Variants in ANK2 observed in about 807,000 individuals in gnomAD.
The protein encoded by ANK2 is ankyrin 2.
ANK2 carries 83 observed loss-of-function variants against 360.5 expected under a neutral mutation model. That is an observed-to-expected ratio of 0.23 (90% CI 0.19 to 0.28). The LOEUF (loss-of-function observed/expected upper bound fraction) is 0.28, where lower values mean the gene tolerates loss of function less well. Among genes scored for constraint, ANK2 ranks in the 10% least tolerant of loss-of-function variants. The probability of loss-of-function intolerance (pLI) is 1.00; values close to 1 mark genes in which losing one functional copy is unlikely to be tolerated. For synonymous variants in ANK2, 1,740 were observed against 1,759.5 expected, an observed-to-expected ratio of 0.99 and a Z score of 0.28; for missense variants, 4,201 against 4,795.7, an observed-to-expected ratio of 0.88 and a Z score of 3.66.
Position 113,264,928 on chromosome 4 carries a change from G to A in ANK2, c.1418G>A (p.Arg473Gln), listed in dbSNP as rs1225313063. Reference sequence around the variant, plus strand: ...GAGACGGCACTACACATGGCAGCCCGAGCCGGGCAGGTGGAAGTGGTCCGA... The same window carrying A: ...GAGACGGCACTACACATGGCAGCCCAAGCCGGGCAGGTGGAAGTGGTCCGA... ...RGETALHMAA[R>Q]AGQVEVVRCL... The change falls in exon 14 of 46, where the codon CGA (arginine) becomes CAA (glutamine). Residue 473 changes from arginine (R) to glutamine (Q), a missense_variant. Physicochemically the swap from Arg to Gln is conservative, Grantham distance 43 (BLOSUM62 1). Around this residue, in one of 4 missense-constraint regions of ANK2, gnomAD observed 1,268 missense variants for 1,650.8 expected, o/e 0.77. Transcript: ENST00000357077. The A allele has an allele frequency of 2.6e-6, 4 of 1,567,794 alleles. No homozygotes were observed. In the Admixed American group the frequency reaches 5.6e-5, roughly 22 times the overall value.
At chr4:113,134,467 A>G (rs908088596) in intron 1 of ANK2, among the ~76,000 whole-genome samples, 1 of 151,868 alleles carries the variant, frequency 6.6e-6, no homozygotes, top group Non-Finnish European at 1.5e-5. Context: ...AAGGATCTGG[A>G]AGACATCTTT....
chr4:113,156,005 A>G (rs1186190625), intron 1 of ANK2, among the ~76,000 whole-genome samples: 1 of 152,220 alleles, frequency 6.6e-6, no homozygotes, highest in African/African-American at 2.4e-5. Flanking sequence ...AGCAACTTTC[A>G]ATGCCTACAG....
At chr4:113,066,467 A>G (rs575537257) in intron 1 of ANK2, among the ~76,000 whole-genome samples, 2 of 152,332 alleles carry the variant, frequency 1.3e-5, no homozygotes, top group East Asian at 3.9e-4. Flanking sequence ...TGGTCTCAAG[A>G]AGTTCACGGT....
intron 1 of ANK2, among the ~76,000 whole-genome samples, chr4:112,819,126 A>G (rs1560646005): frequency 6.6e-6 from 1 of 152,168 alleles, no homozygotes; most frequent in African/African-American, 2.4e-5. Flanking sequence ...AATAAATTCA[A>G]TAACATCTTT....
At chr4:112,977,804 T>G (rs1035976886) in intron 2 of ANK2, among the ~76,000 whole-genome samples, 1 of 152,136 alleles carries the variant, frequency 6.6e-6, no homozygotes, top group South Asian at 2.1e-4. Flanking sequence ...ATTGTTCAAC[T>G]CCCACTTATG....
intron 1 of ANK2, among the ~76,000 whole-genome samples, chr4:112,883,002 G>C (rs1027143938): frequency 9.5e-6 from 1 of 105,038 alleles, no homozygotes; most frequent in African/African-American, 3.5e-5. Flanking sequence ...GACACTTTCT[G>C]GTTTACTTGG....
At chr4:112,978,485 C>T (rs1232440458) in intron 2 of ANK2, among the ~76,000 whole-genome samples, 2 of 152,260 alleles carry the variant, frequency 1.3e-5, no homozygotes, top group East Asian at 3.9e-4. Context: ...CCCAGTTTCC[C>T]GCTTTTCTTA....
At chr4:112,992,696 G>T (rs1350484584) in intron 2 of ANK2, among the ~76,000 whole-genome samples, 1 of 152,084 alleles carries the variant, frequency 6.6e-6, no homozygotes, top group Non-Finnish European at 1.5e-5. Context: ...TCTTGTAAGG[G>T]CACGAATCTC....
At chr4:113,112,021 GA>G (rs2094351190) in intron 1 of ANK2, among the ~76,000 whole-genome samples, 1 of 152,072 alleles carries the variant, frequency 6.6e-6, no homozygotes, top group Non-Finnish European at 1.5e-5. Context: ...AACTGTGTTT[GA>G]TAAGAAGATA....
At chr4:112,909,746 A>G (rs1259639361) in intron 2 of ANK2, among the ~76,000 whole-genome samples, 1 of 152,194 alleles carries the variant, frequency 6.6e-6, no homozygotes, top group Non-Finnish European at 1.5e-5. Context: ...CCAATTCCTT[A>G]TTTTGTGGTC....
intron 2 of ANK2, among the ~76,000 whole-genome samples, chr4:112,988,363 T>C (rs11930182): frequency 0.24 from 36,163 of 152,070 alleles, 4,317 homozygotes; most frequent in East Asian, 0.39. Flanking sequence ...TGAAGTATCT[T>C]GAATGAGTTG....
At chr4:112,996,671 C>T (rs550202091) in intron 2 of ANK2, among the ~76,000 whole-genome samples, 5 of 152,014 alleles carry the variant, frequency 3.3e-5, no homozygotes, top group Admixed American at 1.3e-4. Flanking sequence ...AGGCATGCAA[C>T]GTGAAATAAT....
chr4:113,256,071 C>A, intron 11 of ANK2, 139 bp downstream of exon 11: 2 of 1,051,330 alleles, frequency 1.9e-6, no homozygotes, highest in Non-Finnish European at 2.8e-6. Flanking sequence ...CCTTCACAAT[C>A]AGCCTGTGTA....
rs764414548 is a variant in ANK2 at position 113,360,775 on chromosome 4, C to T, written c.10682-48C>T. On this transcript the variant is annotated intron_variant, in intron 38 of 45. Transcript: ENST00000357077. The stretch of plus-strand genomic sequence containing the variant: ...TGAATGAATCAGTACTGTGGTTCCT[C>T]TCCTGTCATAGACAACCTTTGGCCA... 5 of 1,554,792 alleles carry T rather than the reference C, an allele frequency of 3.2e-6. No homozygotes were observed. The South Asian group carries it at 4.6e-5, about 14-fold the overall frequency.
At chr4:112,896,742 T>A (rs988667328) in intron 1 of ANK2, among the ~76,000 whole-genome samples, 4 of 152,184 alleles carry the variant, frequency 2.6e-5, no homozygotes, top group African/African-American at 9.7e-5. Flanking sequence ...CCTGTTTTTT[T>A]AGCTGTCATT....
chr4:113,249,980 T>C, intron 10 of ANK2, 118 bp downstream of exon 10: 1 of 923,872 alleles, frequency 1.1e-6, no homozygotes, highest in Non-Finnish European at 1.7e-6. Context: ...TTAATAATTG[T>C]GTGCTAGGAA....
intron 2 of ANK2, among the ~76,000 whole-genome samples, chr4:112,986,314 C>T (rs1040466470): frequency 6.6e-6 from 1 of 152,058 alleles, no homozygotes; most frequent in Admixed American, 6.6e-5. Flanking sequence ...GAAAGTTCAT[C>T]TATAAAACTA....
At chr4:112,851,328 C>T (rs1466234195) in intron 1 of ANK2, among the ~76,000 whole-genome samples, 1 of 152,136 alleles carries the variant, frequency 6.6e-6, no homozygotes, top group Non-Finnish European at 1.5e-5. Flanking sequence ...CCCAAGTTCC[C>T]CAGTCAACCT....
chr4:112,935,142 T>TGTGTAGG (rs2093624868), intron 2 of ANK2, among the ~76,000 whole-genome samples: 1 of 152,034 alleles, frequency 6.6e-6, no homozygotes, highest in Non-Finnish European at 1.5e-5. Context: ...TGTGTGTGTG[T>TGTGTAGG]GTGTAGGGTG....
Sources: gnomAD v4.1 joint callset for allele counts (sites outside exome capture counted in the v4.1 genomes callset) on GRCh38, gnomAD v4.1.1 for gene constraint, gnomAD v4.1.1 regional missense constraint, MANE v1.5 for transcripts, NCBI Gene and HGNC (gene_info 2026-07-23, HGNC 2026-07-21) for gene names.